The following PCBP3 variants were observed in gnomAD, a reference collection of about 807,000 sequenced individuals.
PCBP3 encodes the protein poly(rC)-binding protein 3.
A neutral mutation model predicts 52.7 loss-of-function variants in PCBP3; 25 were observed. The ratio of observed to expected loss-of-function variants is 0.47; its 90% CI spans 0.35 to 0.66. The LOEUF (loss-of-function observed/expected upper bound fraction) is 0.66, where lower values mean the gene tolerates loss of function less well. Ranked by LOEUF, PCBP3 falls within the 30% of genes least tolerant of loss-of-function variation. The probability of loss-of-function intolerance (pLI) is 0.01; values close to 1 mark genes in which losing one functional copy is unlikely to be tolerated. For missense variants in PCBP3, 391 were observed against 490.3 expected (o/e 0.80, Z 1.91); for synonymous variants, 162 against 183.0 (o/e 0.89, Z 0.93).
At chr21:45,681,242 T>C (rs2056337718) in intron 2 of PCBP3, among the ~76,000 whole-genome samples, 1 of 152,206 alleles carries the variant, frequency 6.6e-6, no homozygotes, top group Admixed American at 6.5e-5. Flanking sequence ...TATTTCTAGT[T>C]TTCTGAGAGG....
At chr21:45,738,847 C>A (rs2086105343) in intron 3 of PCBP3, among the ~76,000 whole-genome samples, 1 of 143,926 alleles carries the variant, frequency 6.9e-6, no homozygotes, top group Non-Finnish European at 1.5e-5. Context: ...CCACCCCTTC[C>A]TGTCCACGGT....
At chr21:45,797,606 A>G (rs2092006300) in intron 4 of PCBP3, among the ~76,000 whole-genome samples, 1 of 143,442 alleles carries the variant, frequency 7.0e-6, no homozygotes, top group Non-Finnish European at 1.5e-5. Context: ...GAATGCATGG[A>G]TGGATGAATG....
Position 45,724,810 on chromosome 21 carries a change from C to G in PCBP3, c.-199-10582C>G, listed in dbSNP as rs55957843. Reference sequence around the variant, plus strand: ...CAGGCTGTTGGGCCGTGAGGCTGCTCTGGTCTGAGAAAGTGGGTGGCAGGA... The same window carrying G: ...CAGGCTGTTGGGCCGTGAGGCTGCTGTGGTCTGAGAAAGTGGGTGGCAGGA... On this transcript the variant is annotated intron_variant, in intron 2 of 17. Transcript: ENST00000681687. The surrounding 1 kb of genome is among the most constrained non-coding windows in gnomAD (Gnocchi z 5.3). 1.3e-5 allele frequency among the ~76,000 whole-genome samples: 2 copies of G among 151,966 alleles called. No individual in the cohort carries two copies. Among genetic ancestry groups the G allele is most frequent in the African/African-American group, 2.4e-5 (1 of 41,462 alleles).
chr21:45,739,620 GTCCATTGTCCTCTGGGTGGCCCCTC>G (rs2086254048), intron 3 of PCBP3, among the ~76,000 whole-genome samples: 12 of 68,632 alleles, frequency 1.7e-4, no homozygotes, highest in Non-Finnish European at 2.6e-4. Flanking sequence ...ACCCCTTCCT[GTCCATTGTCCTCTGGGTGGCCCCTC>G]CCATCTTCAT....
chr21:45,844,599 A>T (rs187728986), intron 4 of PCBP3, among the ~76,000 whole-genome samples: 1 of 151,968 alleles, frequency 6.6e-6, no homozygotes, highest in Non-Finnish European at 1.5e-5. Context: ...CTCCCTGCCA[A>T]TGGTGCTCCC....
chr21:45,804,324 G>A (rs376915695), intron 4 of PCBP3, among the ~76,000 whole-genome samples: 1 of 152,118 alleles, frequency 6.6e-6, no homozygotes, highest in Non-Finnish European at 1.5e-5. Context: ...AATAAAAATG[G>A]TATAAAATGT....
intron 4 of PCBP3, among the ~76,000 whole-genome samples, chr21:45,768,588 C>A (rs2089579794): frequency 6.6e-6 from 1 of 152,232 alleles, no homozygotes; most frequent in Non-Finnish European, 1.5e-5. Flanking sequence ...TACAGCAGCA[C>A]AACTTTTCCT....
Position 45,892,218 on chromosome 21 carries a change from A to G in PCBP3, c.11-3990A>G, listed in dbSNP as rs548443403. 2.0e-5 allele frequency among the ~76,000 whole-genome samples: 3 copies of G among 152,276 alleles called. No individual in the cohort carries two copies. In the South Asian group the frequency reaches 6.2e-4, roughly 32 times the overall value. ...ACGACGGGCAGTGCCTGCTTCAGGG[A>G]AGGGTGCATTTAACCTGTCAGAGGG... On this transcript the variant is annotated intron_variant, in intron 5 of 17. Transcript: ENST00000681687.
intron 2 of PCBP3, among the ~76,000 whole-genome samples, chr21:45,675,196 A>G (rs777072360): frequency 2.8e-4 from 42 of 152,122 alleles, no homozygotes; most frequent in Non-Finnish European, 5.7e-4. Context: ...AAAAGTGAGT[A>G]TGTGGGGGCA....
intron 2 of PCBP3, among the ~76,000 whole-genome samples, chr21:45,702,524 T>C (rs1310547365): frequency 6.6e-6 from 1 of 152,228 alleles, no homozygotes; most frequent in East Asian, 1.9e-4. Context: ...TACACTCTAG[T>C]CTATTGTGTG....
At chr21:45,747,076 A>G (rs1193775772) in intron 3 of PCBP3, among the ~76,000 whole-genome samples, 1 of 152,224 alleles carries the variant, frequency 6.6e-6, no homozygotes, top group Non-Finnish European at 1.5e-5. Flanking sequence ...TTATAAAGAA[A>G]AAGAGGTTTA....
chr21:45,672,983 G>C (rs1051747893), intron 2 of PCBP3, among the ~76,000 whole-genome samples: 1 of 152,120 alleles, frequency 6.6e-6, no homozygotes. Flanking sequence ...TTCCCCCTGA[G>C]CTGGAGGCTG....
At chr21:45,844,906 A>G (rs575857752) in intron 4 of PCBP3, among the ~76,000 whole-genome samples, 1 of 149,678 alleles carries the variant, frequency 6.7e-6, no homozygotes, top group East Asian at 1.9e-4. Context: ...GTTTATATAT[A>G]TGCTTTATTT....
chr21:45,868,808 G>T (rs1455482234), intron 5 of PCBP3, among the ~76,000 whole-genome samples: 1 of 152,226 alleles, frequency 6.6e-6, no homozygotes, highest in Non-Finnish European at 1.5e-5. Flanking sequence ...CATGGCGGAC[G>T]TCCTCACCCA....
At chr21:45,874,925 G>C (rs1057384659) in intron 5 of PCBP3, among the ~76,000 whole-genome samples, 1 of 152,210 alleles carries the variant, frequency 6.6e-6, no homozygotes, top group African/African-American at 2.4e-5. Context: ...AGACTCACGA[G>C]AGAGCATGCA....
At chr21:45,713,759 C>T (rs1040960966) in intron 2 of PCBP3, among the ~76,000 whole-genome samples, 8 of 152,240 alleles carry the variant, frequency 5.3e-5, no homozygotes, top group Admixed American at 1.3e-4. Context: ...ATGAGAATGA[C>T]GCTGCAGATG....
At chr21:45,926,653 A>G (rs1438313707) in intron 13 of PCBP3, among the ~76,000 whole-genome samples, 1 of 152,196 alleles carries the variant, frequency 6.6e-6, no homozygotes, top group Non-Finnish European at 1.5e-5. Context: ...TGCTCCACAC[A>G]GTGCCAGGAC....
intron 2 of PCBP3, among the ~76,000 whole-genome samples, chr21:45,700,761 T>C (rs536296201): frequency 7.2e-5 from 11 of 152,236 alleles, no homozygotes; most frequent in Admixed American, 7.2e-4. Flanking sequence ...GGCTGGTCAC[T>C]CCCTCCTTCT....
At chr21:45,849,617 A>T (rs2093915828) in intron 4 of PCBP3, among the ~76,000 whole-genome samples, 1 of 152,222 alleles carries the variant, frequency 6.6e-6, no homozygotes. Flanking sequence ...AATGTATTTA[A>T]ATTAATATAT....
Sources: gnomAD v4.1 joint callset for allele counts (sites outside exome capture counted in the v4.1 genomes callset) on GRCh38, gnomAD v4.1.1 for gene constraint, Gnocchi (gnomAD v3.1) non-coding constraint, MANE v1.5 for transcripts, NCBI Gene and HGNC (gene_info 2026-07-23, HGNC 2026-07-21) for gene names.